DGKD: variants seen among roughly 807,000 people sequenced by gnomAD.
DGKD encodes the protein DAG kinase delta.
A neutral mutation model predicts 154.4 loss-of-function variants in DGKD; 68 were observed. The observed-to-expected ratio is 0.44, with a 90% CI of 0.36 to 0.54. The LOEUF (loss-of-function observed/expected upper bound fraction) is 0.54, where lower values mean the gene tolerates loss of function less well. DGKD is among the 20% of genes least tolerant of loss of function. The probability of loss-of-function intolerance (pLI) is 0.00; values close to 1 mark genes in which losing one functional copy is unlikely to be tolerated. For synonymous variants in DGKD, 693 were observed against 638.0 expected (o/e 1.09, Z -1.30); for missense variants, 1,343 against 1,593.6 (o/e 0.84, Z 2.68).
chr2:233,433,248 A>G (rs777175722), intron 3 of DGKD, among the ~76,000 whole-genome samples: 3 of 152,260 alleles, frequency 2.0e-5, no homozygotes, highest in African/African-American at 2.4e-5. Context: ...ATGGAGTACT[A>G]TTTAGCCATG....
intron 1 of DGKD, among the ~76,000 whole-genome samples, chr2:233,363,462 A>T (rs1284250739): frequency 1.3e-5 from 2 of 152,238 alleles, no homozygotes; most frequent in Non-Finnish European, 2.9e-5. Context: ...AAATTAAATT[A>T]AAAGTTTATA....
chr2:233,373,535 A>G (rs1026987831), intron 1 of DGKD, among the ~76,000 whole-genome samples: 1 of 152,232 alleles, frequency 6.6e-6, no homozygotes, highest in Non-Finnish European at 1.5e-5. Context: ...CCTCAGCCTT[A>G]TCTGGAATGT....
In DGKD at chr2:233,435,880, A is replaced by G. The variant is rs1304664772; in HGVS notation, c.649A>G (p.Thr217Ala). 1.2e-6 allele frequency: 2 copies of G among 1,612,186 alleles called. No homozygotes were observed. Among genetic ancestry groups the G allele is most frequent in the African/African-American group, 1.3e-5 (1 of 74,786 alleles). Residue 217 changes from threonine to alanine, a missense_variant, in exon 6 of 30, where the codon ACA becomes GCA. This residue lies in a region of DGKD where 332 missense variants were observed against 400.1 expected (regional missense o/e 0.83). Coordinates refer to ENST00000264057, the MANE Select transcript of DGKD (RefSeq NM_152879.3). Reference sequence around the variant, plus strand: ...TGCAACCAATAACTGCAAGTGGACCACACTGGCCTCGATCGGGAAGGACAT... The same window carrying G: ...TGCAACCAATAACTGCAAGTGGACCGCACTGGCCTCGATCGGGAAGGACAT... Reference protein sequence around the residue: ...VRATNNCKWTTLASIGKDIIE... With the variant: ...VRATNNCKWTALASIGKDIIE...
rs937661977 is a variant in DGKD at position 233,445,099 on chromosome 2, A to G, written c.1195-524A>G. ...AGAGGCTGAGCTCTGGCAAGGCTCC[A>G]GGGTAGCCTCCAGACTGAGGATGGT... On this transcript the variant is annotated intron_variant, in intron 10 of 29. Coordinates refer to ENST00000264057, the MANE Select transcript of DGKD (RefSeq NM_152879.3). This position sits in a 1 kb window ranked among gnomAD's most constrained non-coding sequence, Gnocchi z 5.5. 6.6e-6 allele frequency among the ~76,000 whole-genome samples: 1 copy of G among 152,216 alleles called. No individual in the cohort carries two copies. Among genetic ancestry groups the G allele is most frequent in the African/African-American group, 2.4e-5 (1 of 41,462 alleles).
In DGKD at chr2:233,459,082, A is replaced by G. The variant is rs1199944868; in HGVS notation, c.2695-675A>G. On this transcript the variant is annotated intron_variant, in intron 22 of 29. Transcript: ENST00000264057. This position sits in a 1 kb window ranked among gnomAD's most constrained non-coding sequence, Gnocchi z 5.7. Reference sequence around the variant, plus strand: ...GGATTTCCAGCTGGGGCCCTCGATCATGGTTCTGAGGCCGAGTGGTGAAGG... The same window carrying G: ...GGATTTCCAGCTGGGGCCCTCGATCGTGGTTCTGAGGCCGAGTGGTGAAGG... Among the ~76,000 whole-genome samples the G allele has an allele frequency of 6.6e-6, 1 of 152,158 alleles. No individual in the cohort carries two copies. The highest frequency in any genetic ancestry group is 1.9e-4 in the East Asian group (1 of 5,180).
chr2:233,375,221 G>A (rs527835141), intron 1 of DGKD, among the ~76,000 whole-genome samples: 47 of 152,260 alleles, frequency 3.1e-4, no homozygotes, highest in Middle Eastern at 3.4e-3. Flanking sequence ...AACCTGGGAG[G>A]TGGAGGTTGC....
chr2:233,411,916 T>C (rs150670141), intron 3 of DGKD, among the ~76,000 whole-genome samples: 7 of 152,330 alleles, frequency 4.6e-5, no homozygotes, highest in African/African-American at 1.7e-4. Flanking sequence ...TTTTCAAAAG[T>C]CAATTAACCT....
intron 3 of DGKD, among the ~76,000 whole-genome samples, chr2:233,404,151 G>T (rs962636731): frequency 3.4e-5 from 5 of 146,512 alleles, no homozygotes; most frequent in African/African-American, 9.9e-5. Context: ...TTTGTATTTT[G>T]GCTTTATTTG....
rs143445571 is a variant in DGKD, at chr2:233,459,765, G to A, written c.2703G>A (p.Thr901=). Residue 901 remains threonine (T), a synonymous_variant, in exon 23 of 30, where the codon ACG becomes ACA. Transcript: ENST00000264057. The surrounding 1 kb of genome is among the most constrained non-coding windows in gnomAD (Gnocchi z 5.7). ...CTATGATGTCTGCTCAGTGTCGCACGGTGAAGATCTCCATCCTTGGGGATG... is the reference window on the plus strand; with the variant it reads ...CTATGATGTCTGCTCAGTGTCGCACAGTGAAGATCTCCATCCTTGGGGATG... ...LQHHRIAQCR[T]VKISILGDEG... is the part of the protein sequence containing the mutation. The A allele has an allele frequency of 9.9e-6, 16 of 1,613,752 alleles. No homozygotes were observed. The highest frequency in any genetic ancestry group is 8.8e-5 in the South Asian group (8 of 91,072).
rs773983304 is a variant in DGKD, at chr2:233,441,935, C to T, written c.1134C>T (p.Gly378=). The T allele has an allele frequency of 4.8e-5, 77 of 1,606,238 alleles. No individual in the cohort carries two copies. Among genetic ancestry groups the T allele is most frequent in the Admixed American group, 8.4e-5 (5 of 59,578 alleles). Reference sequence around the variant, plus strand: ...ACACATTCCGGATTCTGGTTTGTGGCGGGGATGGAAGTGTTGGCTGGGTCC... The same window carrying T: ...ACACATTCCGGATTCTGGTTTGTGGTGGGGATGGAAGTGTTGGCTGGGTCC... ...KFDTFRILVC[G]GDGSVGWVLS... is the part of the protein sequence containing the mutation. Residue 378 remains glycine (G), a synonymous_variant, in exon 10 of 30, where the codon GGC becomes GGT. Transcript: ENST00000264057. This position sits in a 1 kb window ranked among gnomAD's most constrained non-coding sequence, Gnocchi z 5.6.
At chr2:233,386,561 G>A (rs1703190558) in intron 1 of DGKD, among the ~76,000 whole-genome samples, 1 of 138,824 alleles carries the variant, frequency 7.2e-6, no homozygotes, top group Non-Finnish European at 1.6e-5. Flanking sequence ...GAGGGGGTGG[G>A]GGTGGGGAGG....
Position 233,449,661 on chromosome 2 carries a change from G to T in DGKD, c.1888+285G>T, listed in dbSNP as rs2063204225. 6.6e-6 allele frequency among the ~76,000 whole-genome samples: 1 copy of T among 152,076 alleles called. No individual in the cohort carries two copies. Among genetic ancestry groups the T allele is most frequent in the Non-Finnish European group, 1.5e-5 (1 of 68,014 alleles). On this transcript the variant is annotated intron_variant, in intron 15 of 29. Transcript: ENST00000264057. The surrounding 1 kb of genome is among the most constrained non-coding windows in gnomAD (Gnocchi z 5.3). Reference sequence around the variant, plus strand: ...CTCCCGTGAGAGCCTTGAGGTCACGGCCTCACACCCGCACACCTGCGTGTC... The same window carrying T: ...CTCCCGTGAGAGCCTTGAGGTCACGTCCTCACACCCGCACACCTGCGTGTC...
intron 3 of DGKD, among the ~76,000 whole-genome samples, chr2:233,414,516 A>G (rs1264071114): frequency 6.6e-6 from 1 of 152,188 alleles, no homozygotes; most frequent in East Asian, 1.9e-4. Flanking sequence ...GGGGGAGACC[A>G]CGGCATGCCT....
At chr2:233,462,846 T>A in intron 26 of DGKD, 111 bp downstream of exon 26, 1 of 968,508 alleles carries the variant, frequency 1.0e-6, no homozygotes, top group Non-Finnish European at 1.6e-6. Context: ...TTCCCGGTCT[T>A]AAGGAATGGG....
intron 10 of DGKD, among the ~76,000 whole-genome samples, chr2:233,444,534 C>T (rs2063001192): frequency 6.6e-6 from 1 of 151,422 alleles, no homozygotes; most frequent in African/African-American, 2.4e-5. Flanking sequence ...TGTCTCCCTG[C>T]CTGGAGCACC....
intron 5 of DGKD, among the ~76,000 whole-genome samples, chr2:233,435,493 G>A (rs945746310): frequency 2.6e-5 from 4 of 152,268 alleles, no homozygotes; most frequent in African/African-American, 4.8e-5. Flanking sequence ...ATTTGTGCCC[G>A]TAAAAAAACA....
intron 14 of DGKD, 115 bp from the exon 15 acceptor site, chr2:233,448,988 G>A: frequency 1.5e-6 from 2 of 1,337,582 alleles, no homozygotes; most frequent in African/African-American, 2.9e-5. Flanking sequence ...TGGAGAGTTA[G>A]GATTTTCCTT....
intron 24 of DGKD, 46 bp downstream of exon 24, chr2:233,460,391 C>T (rs2063590437): frequency 2.5e-6 from 4 of 1,605,382 alleles, no homozygotes; most frequent in Non-Finnish European, 3.4e-6. Context: ...CCCCCAGGGT[C>T]CCTGGGACTG....
intron 16 of DGKD, 102 bp from the exon 17 acceptor site, chr2:233,450,820 T>C (rs2063257566): frequency 6.8e-7 from 1 of 1,464,276 alleles, no homozygotes; most frequent in Non-Finnish European, 9.3e-7. Context: ...TTTGCAGCCC[T>C]CCCTCCTCAG....
Sources: allele counts gnomAD v4.1 joint callset (sites outside exome capture counted in the v4.1 genomes callset), GRCh38; gene constraint gnomAD v4.1.1; regional missense constraint gnomAD v4.1.1; non-coding constraint Gnocchi (gnomAD v3.1); transcripts MANE v1.5; gene names NCBI Gene and HGNC (gene_info 2026-07-23, HGNC 2026-07-21).